POLR3A: variants seen among roughly 807,000 people sequenced by gnomAD.
POLR3A encodes the protein DNA-directed RNA polymerase III subunit RPC1.
A neutral mutation model predicts 152.8 loss-of-function variants in POLR3A; 112 were observed. That is an observed-to-expected ratio of 0.73 (90% CI 0.63 to 0.86). The LOEUF is 0.86. Among genes scored for constraint, POLR3A ranks in the 40% least tolerant of loss-of-function variants. The pLI, the probability that POLR3A is intolerant of heterozygous loss-of-function variation, is 0.00. For missense variants in POLR3A, 1,385 were observed against 1,743.1 expected, an observed-to-expected ratio of 0.79 and a Z score of 3.66; for synonymous variants, 615 against 652.1, an observed-to-expected ratio of 0.94 and a Z score of 0.87.
At chr10:78,027,502 A>G (rs1847648439) in intron 1 of POLR3A, among the ~76,000 whole-genome samples, 1 of 152,128 alleles carries the variant, frequency 6.6e-6, no homozygotes, top group Non-Finnish European at 1.5e-5. Flanking sequence ...TACTAAAAAT[A>G]CAAAAAATTT....
intron 30 of POLR3A, among the ~76,000 whole-genome samples, chr10:77,978,403 G>A (rs1321426918): frequency 6.6e-6 from 1 of 152,184 alleles, no homozygotes; most frequent in Admixed American, 6.5e-5. Context: ...CCAGGAGGAG[G>A]GGAAAACTTC....
chr10:78,004,239 C>T (rs188226417), intron 16 of POLR3A, among the ~76,000 whole-genome samples: 5 of 151,948 alleles, frequency 3.3e-5, no homozygotes, highest in Middle Eastern at 3.4e-3. Flanking sequence ...CTATGAAAAG[C>T]GAGACTCCGT....
chr10:78,021,847 G>A lies in POLR3A; in HGVS notation c.1048+13C>T, dbSNP rs778055446. 1.2e-6 allele frequency: 2 copies of A among 1,613,198 alleles called. No homozygotes were observed. Among genetic ancestry groups the A allele is most frequent in the Non-Finnish European group, 1.7e-6 (2 of 1,179,990 alleles). On this transcript the variant is annotated intron_variant, in intron 7 of 30. Transcript: ENST00000372371. ...GAGTGGGCTGGCTTCTGCACATCTTGTGGGAAACCTACCCTGTTTTCCCTT... is the reference window on the plus strand; with the variant it reads ...GAGTGGGCTGGCTTCTGCACATCTTATGGGAAACCTACCCTGTTTTCCCTT...
chr10:78,008,981 C>T (rs1376520370), intron 14 of POLR3A, among the ~76,000 whole-genome samples: 2 of 151,404 alleles, frequency 1.3e-5, no homozygotes, highest in East Asian at 1.9e-4. Flanking sequence ...GGTGAAACCC[C>T]GTCTCTACTA....
chr10:77,982,145 G>A lies in POLR3A; in HGVS notation c.3759+9C>T, dbSNP rs1331957298. On this transcript the variant is annotated intron_variant, in intron 28 of 30. Coordinates refer to ENST00000372371, the MANE Select transcript of POLR3A (RefSeq NM_007055.4). ...TAACCCTAAGGCGACCCCGTGGGCTGAGTGGTACCTCATAGGTGTTATTGG... is the reference window on the plus strand; with the variant it reads ...TAACCCTAAGGCGACCCCGTGGGCTAAGTGGTACCTCATAGGTGTTATTGG... 5 of 1,612,756 alleles carry A rather than the reference G, an allele frequency of 3.1e-6. No individual in the cohort carries two copies. The highest frequency in any genetic ancestry group is 3.3e-5 in the Admixed American group (2 of 59,934).
chr10:77,991,800 C>T (rs1010285683), intron 20 of POLR3A, among the ~76,000 whole-genome samples: 3 of 152,230 alleles, frequency 2.0e-5, no homozygotes, highest in African/African-American at 4.8e-5. Flanking sequence ...ACTAGGATTA[C>T]AAGCGTGAGC....
rs190780056 is a variant in POLR3A at position 77,993,978 on chromosome 10, C to G, written c.2617-611G>C. Among the ~76,000 whole-genome samples the G allele has an allele frequency of 1.4e-3, 207 of 152,236 alleles. 4 individuals carry two copies. The East Asian group carries it at 0.032, about 23-fold the overall frequency. On this transcript the variant is annotated intron_variant, in intron 19 of 30. Coordinates refer to ENST00000372371, the MANE Select transcript of POLR3A (RefSeq NM_007055.4). The stretch of plus-strand genomic sequence containing the variant: ...AATCTTCCTCTAGGCAACTTCAAAA[C>G]AAAAAATCCCTTATGCCAGAACTAA...
intron 10 of POLR3A, among the ~76,000 whole-genome samples, chr10:78,016,675 C>A (rs191003562): frequency 1.3e-5 from 2 of 150,346 alleles, no homozygotes; most frequent in Non-Finnish European, 2.9e-5. Flanking sequence ...GACTGCGACA[C>A]TGCACACCAG....
In POLR3A at chr10:78,010,617, T is replaced by C. The variant is rs189538766; in HGVS notation, c.1573-77A>G. 566 of 1,047,674 alleles carry C rather than the reference T, an allele frequency of 5.4e-4. 2 individuals carry two copies. The highest frequency in any genetic ancestry group is 2.4e-3 in the Middle Eastern group (12 of 5,036). 64.9% of individuals were successfully genotyped at this position (1,047,674 alleles called of 1,614,324 possible). The stretch of plus-strand genomic sequence containing the variant: ...GCCCAAAGCCTGAATCACAAGGTTT[T>C]TGAATAGTTATGAACAAATACAGAG... On this transcript the variant is annotated intron_variant, in intron 11 of 30. Coordinates refer to ENST00000372371, the MANE Select transcript of POLR3A (RefSeq NM_007055.4).
At chr10:77,991,697 G>A (rs1253354874) in intron 20 of POLR3A, among the ~76,000 whole-genome samples, 3 of 152,026 alleles carry the variant, frequency 2.0e-5, no homozygotes, top group African/African-American at 7.2e-5. Flanking sequence ...TAATTTTTTT[G>A]TATTTTTAGT....
At chr10:78,017,043 TA>T (rs1448807930) in intron 10 of POLR3A, among the ~76,000 whole-genome samples, 3 of 152,020 alleles carry the variant, frequency 2.0e-5, no homozygotes, top group Non-Finnish European at 2.9e-5. Flanking sequence ...AATTTAATAT[TA>T]AAAAATATTA....
rs1456420275 is a variant in POLR3A, at chr10:78,021,710, C to T, written c.1049-28G>A. 2.5e-6 allele frequency: 4 copies of T among 1,613,118 alleles called. No individual in the cohort carries two copies. In the African/African-American group the frequency reaches 5.3e-5, roughly 22 times the overall value. On this transcript the variant is annotated intron_variant, in intron 7 of 30. Coordinates refer to ENST00000372371, the MANE Select transcript of POLR3A (RefSeq NM_007055.4). ...AAATAGCCAAAAACATGTCATAGGT[C>T]CCCATGGCATACCATGTGCTCATGG...
chr10:78,003,898 C>T (rs1276391652), intron 16 of POLR3A, among the ~76,000 whole-genome samples: 1 of 152,026 alleles, frequency 6.6e-6, no homozygotes, highest in African/African-American at 2.4e-5. Context: ...CACTGCACTC[C>T]AGCCTGGGCG....
At chr10:78,015,759 T>C (rs1423451570) in intron 10 of POLR3A, among the ~76,000 whole-genome samples, 1 of 152,146 alleles carries the variant, frequency 6.6e-6, no homozygotes, top group African/African-American at 2.4e-5. Flanking sequence ...CAGGCCCACG[T>C]GATCCTTCTG....
chr10:77,980,098 T>C (rs1358234770), intron 30 of POLR3A, 43 bp downstream of exon 30: 3 of 1,588,312 alleles, frequency 1.9e-6, no homozygotes, highest in East Asian at 2.2e-5. Context: ...TATTTGTAAA[T>C]AGTAAAGGCC....
chr10:77,978,537 G>C (rs1468991893), intron 30 of POLR3A, among the ~76,000 whole-genome samples: 1 of 152,132 alleles, frequency 6.6e-6, no homozygotes, highest in African/African-American at 2.4e-5. Context: ...TTGAGTGCTG[G>C]GTCTCAGCCC....
chr10:77,981,044 T>C (rs1847136107), intron 29 of POLR3A, among the ~76,000 whole-genome samples: 1 of 152,140 alleles, frequency 6.6e-6, no homozygotes, highest in African/African-American at 2.4e-5. Context: ...TATTTTTTCC[T>C]GGGAATGGCT....
chr10:77,982,142 G>A lies in POLR3A; in HGVS notation c.3759+12C>T, dbSNP rs766383251. The A allele has an allele frequency of 6.2e-7, 1 of 1,613,484 alleles. No individual in the cohort carries two copies. The highest frequency in any genetic ancestry group is 1.1e-5 in the South Asian group (1 of 91,064). ...GCCTAACCCTAAGGCGACCCCGTGG[G>A]CTGAGTGGTACCTCATAGGTGTTAT... is the stretch of plus-strand genomic sequence containing the variant. On this transcript the variant is annotated intron_variant, in intron 28 of 30. Transcript: ENST00000372371.
chr10:78,002,524 A>G (rs1396575557), intron 16 of POLR3A, among the ~76,000 whole-genome samples: 1 of 152,142 alleles, frequency 6.6e-6, no homozygotes, highest in African/African-American at 2.4e-5. Flanking sequence ...TAAGGCAAAC[A>G]GTTTATCTTT....
Sources: allele counts gnomAD v4.1 joint callset (sites outside exome capture counted in the v4.1 genomes callset), GRCh38; gene constraint gnomAD v4.1.1; transcripts MANE v1.5; gene names NCBI Gene and HGNC (gene_info 2026-07-23, HGNC 2026-07-21).